MED22: variants seen among roughly 807,000 people sequenced by gnomAD.
The protein encoded by MED22 is mediator complex subunit 22.
In MED22, 22 loss-of-function variants were observed where a neutral mutation model predicts 22.7. The observed-to-expected ratio is 0.97, with a 90% confidence interval of 0.69 to 1.38. MED22 has a LOEUF of 1.38. Among genes scored for constraint, MED22 ranks in the 40% most tolerant of loss-of-function variants. The pLI is 0.00. For missense variants in MED22, 247 were observed against 263.0 expected (o/e 0.94, Z 0.42); for synonymous variants, 134 against 119.4 (o/e 1.12, Z -0.80).
Position 133,341,703 on chromosome 9 carries a change from C to A in MED22, c.414-9G>T. 6.2e-7 allele frequency: 1 copy of A among 1,604,304 alleles called. No homozygotes were observed. Among genetic ancestry groups the A allele is most frequent in the South Asian group, 1.1e-5 (1 of 89,598 alleles). On this transcript the variant is annotated splice_polypyrimidine_tract_variant and intron_variant, in intron 4 of 4. Coordinates refer to ENST00000343730, the MANE Select transcript of MED22 (RefSeq NM_133640.5). Reference sequence around the variant, plus strand: ...CTTCGCAAAGGCTTGAGCTTTTCCACCACCAGAAACCCCAGGGAGAGACAG... The same window carrying A: ...CTTCGCAAAGGCTTGAGCTTTTCCAACACCAGAAACCCCAGGGAGAGACAG...
chr9:133,341,411 A>C lies in MED22; in HGVS notation c.*94T>G. The stretch of plus-strand genomic sequence containing the variant: ...TGGCTCTGGGGTCCTGAAGTCCCCA[A>C]ATGGGAACCTAGGCTGAGAGAAGCA... On this transcript the variant is annotated 3_prime_UTR_variant, in exon 5 of 5. Coordinates refer to ENST00000343730, the MANE Select transcript of MED22 (RefSeq NM_133640.5). 1 of 1,346,992 alleles carries C rather than the reference A, an allele frequency of 7.4e-7. No individual in the cohort carries two copies. The highest frequency in any genetic ancestry group is 9.6e-7 in the Non-Finnish European group (1 of 1,036,982). The allele number at this position is 1,346,992 out of a possible 1,614,324, so 83.4% of individuals were successfully genotyped here.
intron 4 of MED22, 25 bp from the exon 5 acceptor site, chr9:133,341,719 GGA>G (rs2129950552): frequency 3.1e-6 from 5 of 1,597,148 alleles, no homozygotes; most frequent in South Asian, 2.3e-5. Context: ...GAAACCCCAG[GGA>G]GAGACAGGAG....
intron 2 of MED22, 78 bp downstream of exon 2, chr9:133,346,462 C>G: frequency 2.5e-6 from 4 of 1,571,048 alleles, no homozygotes; most frequent in Non-Finnish European, 2.6e-6. Flanking sequence ...TATTCACTCG[C>G]GCTGCTCAGC....
rs1835961888 is a variant in MED22, at chr9:133,339,559, C to T, written c.*1946G>A. 4.0e-6 allele frequency: 2 copies of T among 501,050 alleles called. No individual in the cohort carries two copies. Among genetic ancestry groups the T allele is most frequent in the Admixed American group, 3.2e-5 (1 of 31,086 alleles). The allele number at this position is 501,050 out of a possible 1,614,324, so 31.0% of individuals were successfully genotyped here. ...GGGAACAACTGAAGAAATCTGAATA[C>T]AGCTAGATACCAGAGGATATGCAAT... On this transcript the variant is annotated 3_prime_UTR_variant, in exon 5 of 5. Transcript: ENST00000343730.
chr9:133,345,264 C>A lies in MED22; in HGVS notation c.124-12G>T, dbSNP rs1157201048. 6.2e-7 allele frequency: 1 copy of A among 1,613,664 alleles called. No individual in the cohort carries two copies. Among genetic ancestry groups the A allele is most frequent in the Admixed American group, 1.7e-5 (1 of 59,988 alleles). ...GTCTCGTCCTCAATCTGGGGGAAAA[C>A]AAGAAAACCTAGAAATCAACCCAGC... On this transcript the variant is annotated splice_polypyrimidine_tract_variant and intron_variant, in intron 2 of 4. Transcript: ENST00000343730.
chr9:133,343,614 T>TCC (rs1346789782), intron 4 of MED22: 18 of 1,243,530 alleles, frequency 1.4e-5, no homozygotes. Flanking sequence ...CTGGGCTTCA[T>TCC]CCCCCACATT....
Position 133,341,034 on chromosome 9 carries a change from C to G in MED22, c.*471G>C, listed in dbSNP as rs2129946549. 6.4e-6 allele frequency: 1 copy of G among 155,074 alleles called. No homozygotes were observed. The highest frequency in any genetic ancestry group is 3.3e-3 in the Middle Eastern group (1 of 304). The allele number at this position is 155,074 out of a possible 1,614,324, so 9.6% of individuals were successfully genotyped here. A position where few individuals can be genotyped will look rare whatever the true frequency, so the allele number is the denominator to read the frequency against. ...CTGTCGTGGCACTCAGCCCATGGCACAGACATATGTGGCTCAGGGCAAGAA... is the reference window on the plus strand; with the variant it reads ...CTGTCGTGGCACTCAGCCCATGGCAGAGACATATGTGGCTCAGGGCAAGAA... On this transcript the variant is annotated 3_prime_UTR_variant, in exon 5 of 5. Transcript: ENST00000343730.
At position 133,346,561 on chromosome 9, in the gene MED22, G is replaced by T; in HGVS notation, c.102C>A (p.Thr34=). ...CCACCTTGGCGGTCTTGATGATCTCGGTGAAGTTGTCCATGATGGACTTAA... is the reference window on the plus strand; with the variant it reads ...CCACCTTGGCGGTCTTGATGATCTCTGTGAAGTTGTCCATGATGGACTTAA... ...DDIKSIMDNF[T]EIIKTAKIED... is the part of the protein sequence containing the mutation. The change falls in exon 2 of 5, where the codon ACC becomes ACA. Residue 34 remains threonine (T), a synonymous_variant. Coordinates refer to ENST00000343730, the MANE Select transcript of MED22 (RefSeq NM_133640.5). The T allele has an allele frequency of 6.2e-7, 1 of 1,612,622 alleles. No homozygotes were observed. Among genetic ancestry groups the T allele is most frequent in the East Asian group, 2.2e-5 (1 of 44,850 alleles).
chr9:133,339,259 A>G lies in MED22; in HGVS notation c.*2246T>C. 2 of 694,906 alleles carry G rather than the reference A, an allele frequency of 2.9e-6. No individual in the cohort carries two copies. Among genetic ancestry groups the G allele is most frequent in the South Asian group, 2.8e-5 (2 of 72,184 alleles). 43.0% of individuals were successfully genotyped at this position (694,906 alleles called of 1,614,324 possible). A position where few individuals can be genotyped will look rare whatever the true frequency, so the allele number is the denominator to read the frequency against. ...ATTCTTGCCAAGAGAATGAATGTGCATATTCAGCACACTAAGCACTCTAAG... is the reference window on the plus strand; with the variant it reads ...ATTCTTGCCAAGAGAATGAATGTGCGTATTCAGCACACTAAGCACTCTAAG... On this transcript the variant is annotated 3_prime_UTR_variant, in exon 5 of 5. Transcript: ENST00000343730.
Position 133,346,602 on chromosome 9 carries a change from G to C in MED22, c.61C>G (p.Arg21Gly). Residue 21 changes from arginine (R) to glycine (G), a missense_variant, in exon 2 of 5, where the codon CGG (arginine) becomes GGG (glycine). Transcript: ENST00000343730. ...KETLLQSYNK[R>G]LKDDIKSIMD... ...ATGGACTTAATGTCGTCCTTCAGCCGCTTGTTGTAGGACTGCAGCAGCGTC... is the reference window on the plus strand; with the variant it reads ...ATGGACTTAATGTCGTCCTTCAGCCCCTTGTTGTAGGACTGCAGCAGCGTC... 6.2e-7 allele frequency: 1 copy of C among 1,612,796 alleles called. No individual in the cohort carries two copies. The highest frequency in any genetic ancestry group is 8.5e-7 in the Non-Finnish European group (1 of 1,179,982).
At chr9:133,343,196 G>C in intron 4 of MED22, 1 of 1,107,284 alleles carries the variant, frequency 9.0e-7, no homozygotes. Flanking sequence ...GGATATCTGT[G>C]GCTCCCAGCA....
chr9:133,344,004 A>G, intron 4 of MED22, 121 bp downstream of exon 4: 1 of 1,513,058 alleles, frequency 6.6e-7, no homozygotes. Context: ...TCTGAAACCC[A>G]GGCATGGCTC....
At chr9:133,342,702 C>A in intron 4 of MED22, 1 of 985,882 alleles carries the variant, frequency 1.0e-6, no homozygotes. Flanking sequence ...CCCCAGGGGG[C>A]GCTGGTGTGG....
intron 4 of MED22, chr9:133,342,526 GCA>G (rs1836037354): frequency 6.1e-6 from 6 of 986,576 alleles, no homozygotes; most frequent in Non-Finnish European, 7.2e-6. Flanking sequence ...GGGCAGGCGA[GCA>G]CAGAGGCGCA....
Position 133,340,973 on chromosome 9 carries a change from G to C in MED22, c.*532C>G, listed in dbSNP as rs1835985761. On this transcript the variant is annotated 3_prime_UTR_variant, in exon 5 of 5. Coordinates refer to ENST00000343730, the MANE Select transcript of MED22 (RefSeq NM_133640.5). ...CAGAATTAGGAATGAGTCCCACCTAGCTTCCACATGCGTGGGCAGCAGCTG... is the reference window on the plus strand; with the variant it reads ...CAGAATTAGGAATGAGTCCCACCTACCTTCCACATGCGTGGGCAGCAGCTG... 6.5e-6 allele frequency: 1 copy of C among 152,988 alleles called. No homozygotes were observed. Among genetic ancestry groups the C allele is most frequent in the Admixed American group, 6.5e-5 (1 of 15,310 alleles). 9.5% of individuals were successfully genotyped at this position (152,988 alleles called of 1,614,324 possible).
rs1277049866 is a variant in MED22, at chr9:133,341,058, A to AACCAGTGGATGGGGCTCTGC, written c.*427_*446dup. On this transcript the variant is annotated 3_prime_UTR_variant, in exon 5 of 5. Coordinates refer to ENST00000343730, the MANE Select transcript of MED22 (RefSeq NM_133640.5). The stretch of plus-strand genomic sequence containing the variant: ...ACAGACATATGTGGCTCAGGGCAAG[A>AACCAGTGGATGGGGCTCTGC]ACCAGTGGATGGGGCTCTGCACAGG... 2.5e-5 allele frequency: 4 copies of AACCAGTGGATGGGGCTCTGC among 156,910 alleles called. No homozygotes were observed. Among genetic ancestry groups the AACCAGTGGATGGGGCTCTGC allele is most frequent in the Non-Finnish European group, 5.6e-5 (4 of 71,172 alleles). 9.7% of individuals were successfully genotyped at this position (156,910 alleles called of 1,614,324 possible).
intron 4 of MED22, chr9:133,342,599 G>A (rs1229816473): frequency 1.0e-6 from 1 of 986,362 alleles, no homozygotes; most frequent in East Asian, 1.1e-4. Flanking sequence ...GGACCAGCAA[G>A]AAGGGGCAGA....
At chr9:133,345,069 A>G in intron 3 of MED22, 103 bp downstream of exon 3, 1 of 1,087,602 alleles carries the variant, frequency 9.2e-7, no homozygotes, top group Non-Finnish European at 1.4e-6. Context: ...TCTCGGGGGA[A>G]GAAGACCAGA....
At position 133,341,570 on chromosome 9, in the gene MED22, G is replaced by T. The variant is rs2129949161; in HGVS notation, c.538C>A (p.Pro180Thr). 10 of 1,571,766 alleles carry T rather than the reference G, an allele frequency of 6.4e-6. No homozygotes were observed. Among genetic ancestry groups the T allele is most frequent in the Non-Finnish European group, 8.6e-6 (10 of 1,164,468 alleles). Residue 180 changes from proline (P) to threonine (T), a missense_variant, in exon 5 of 5, where the codon CCC (proline) becomes ACC (threonine). Coordinates refer to ENST00000343730, the MANE Select transcript of MED22 (RefSeq NM_133640.5). ...LLASPEPSAG[P>T]LQVAAPAHSH... ...TGGGCAGGGGCTGCCACCTGTAGGG[G>T]GCCAGCACTGGGCTCCGGGGACGCC...
Sources: gnomAD v4.1 joint callset for allele counts on GRCh38, gnomAD v4.1.1 for gene constraint, MANE v1.5 for transcripts, NCBI Gene and HGNC (gene_info 2026-07-23, HGNC 2026-07-21) for gene names.